Variants in RHEX observed in about 807,000 individuals in gnomAD.
The protein encoded by RHEX is regulator of hemoglobinization and erythroid cell expansion protein.
In RHEX, 18 loss-of-function variants were observed where a neutral mutation model predicts 20.1. The observed-to-expected ratio is 0.90, with a 90% confidence interval of 0.62 to 1.33. The LOEUF (loss-of-function observed/expected upper bound fraction) is 1.33. Ranked by LOEUF, RHEX falls within the 40% of genes most tolerant of loss-of-function variation. The pLI is 0.00. For missense variants in RHEX, 192 were observed against 214.3 expected (o/e 0.90, Z 0.65); for synonymous variants, 87 against 77.1 (o/e 1.13, Z -0.67).
chr1:206,081,072 C>T (rs568827558), intron 1 of RHEX, among the ~76,000 whole-genome samples: 12 of 152,140 alleles, frequency 7.9e-5, no homozygotes, highest in Non-Finnish European at 1.5e-4. Flanking sequence ...AACTCCTGGG[C>T]GCAAGCTATC....
chr1:206,075,885 G>A (rs1553285178), intron 1 of RHEX, among the ~76,000 whole-genome samples: 1 of 152,100 alleles, frequency 6.6e-6, no homozygotes. Context: ...ACAGGCATGA[G>A]CCACCGTGCA....
At chr1:206,068,804 T>C (rs1048999344) in intron 1 of RHEX, among the ~76,000 whole-genome samples, 3 of 152,246 alleles carry the variant, frequency 2.0e-5, no homozygotes, top group Non-Finnish European at 4.4e-5. Flanking sequence ...AATATCCAGA[T>C]AGTATTCTTC....
chr1:206,065,624 G>T (rs1310220161), intron 1 of RHEX, among the ~76,000 whole-genome samples: 3 of 152,242 alleles, frequency 2.0e-5, no homozygotes, highest in African/African-American at 7.2e-5. Context: ...CTAGGGAGAT[G>T]TCTAATGGGC....
chr1:206,074,830 T>A (rs1662601007), intron 1 of RHEX, among the ~76,000 whole-genome samples: 1 of 152,190 alleles, frequency 6.6e-6, no homozygotes, highest in Admixed American at 6.5e-5. Flanking sequence ...CACAGTTTAT[T>A]CAACATTCCC....
intron 1 of RHEX, among the ~76,000 whole-genome samples, chr1:206,076,867 TAAA>T (rs1455360549): frequency 6.6e-6 from 1 of 152,230 alleles, no homozygotes; most frequent in East Asian, 1.9e-4. Context: ...CTTTCTGCTC[TAAA>T]ATCTCATGGT....
Position 206,054,711 on chromosome 1 carries a change from G to A in RHEX, c.-97+1446G>A, listed in dbSNP as rs944040744. Among the ~76,000 whole-genome samples the A allele has an allele frequency of 2.0e-5, 3 of 152,182 alleles. No homozygotes were observed. In the East Asian group the frequency reaches 5.8e-4, roughly 29 times the overall value. ...ACCTTATGGTCAAACATGAAAAATTGGATAAATATGTCTACAAGGTTTTAT... is the reference window on the plus strand; with the variant it reads ...ACCTTATGGTCAAACATGAAAAATTAGATAAATATGTCTACAAGGTTTTAT... On this transcript the variant is annotated intron_variant, in intron 1 of 5. Coordinates refer to ENST00000331555, the MANE Select transcript of RHEX (RefSeq NM_001007544.4).
intron 1 of RHEX, among the ~76,000 whole-genome samples, chr1:206,092,181 C>G (rs1242009056): frequency 1.3e-5 from 2 of 152,092 alleles, no homozygotes; most frequent in African/African-American, 4.8e-5. Context: ...GCCTCAGCCT[C>G]CCAAAGTGCT....
chr1:206,083,889 G>A (rs562125133), intron 1 of RHEX, among the ~76,000 whole-genome samples: 2 of 152,120 alleles, frequency 1.3e-5, no homozygotes, highest in Non-Finnish European at 2.9e-5. Context: ...TTGGGGCTTC[G>A]GCCAGAAGGT....
intron 1 of RHEX, among the ~76,000 whole-genome samples, chr1:206,068,947 C>G (rs1422019612): frequency 6.6e-6 from 1 of 152,232 alleles, no homozygotes; most frequent in Non-Finnish European, 1.5e-5. Context: ...CATGACCAAA[C>G]TAACTCTGCT....
chr1:206,061,476 G>C (rs1461793966), intron 1 of RHEX: 1 of 152,324 alleles, frequency 6.6e-6, no homozygotes, highest in African/African-American at 2.4e-5. Flanking sequence ...CCCACACAGA[G>C]GGTGGTGGGA....
intron 1 of RHEX, among the ~76,000 whole-genome samples, chr1:206,055,079 T>C (rs1662160423): frequency 6.6e-6 from 1 of 152,282 alleles, no homozygotes; most frequent in African/African-American, 2.4e-5. Context: ...ACTAAGGTGG[T>C]CCTCCAGTTG....
At chr1:206,062,533 C>T (rs1558168836) in intron 1 of RHEX, among the ~76,000 whole-genome samples, 1 of 152,252 alleles carries the variant, frequency 6.6e-6, no homozygotes, top group Non-Finnish European at 1.5e-5. Context: ...TGGGTGTCAA[C>T]TTAGGAGTCA....
intron 1 of RHEX, among the ~76,000 whole-genome samples, chr1:206,089,350 C>G (rs979199939): frequency 6.6e-6 from 1 of 152,182 alleles, no homozygotes; most frequent in South Asian, 2.1e-4. Context: ...GCCTTATGTT[C>G]ACTTTTTACA....
chr1:206,101,035 C>A, intron 4 of RHEX, 101 bp from the exon 5 acceptor site: 1 of 945,080 alleles, frequency 1.1e-6, no homozygotes, highest in Non-Finnish European at 1.6e-6. Context: ...CTGCCTCTGT[C>A]TTTATCTGAT....
At chr1:206,073,507 CACAG>C (rs1256032981) in intron 1 of RHEX, among the ~76,000 whole-genome samples, 1 of 152,082 alleles carries the variant, frequency 6.6e-6, no homozygotes, top group Non-Finnish European at 1.5e-5. Context: ...GAAGTGGAGT[CACAG>C]ACAGCTTAGG....
At chr1:206,084,169 T>C (rs1476444583) in intron 1 of RHEX, among the ~76,000 whole-genome samples, 1 of 152,160 alleles carries the variant, frequency 6.6e-6, no homozygotes, top group East Asian at 1.9e-4. Flanking sequence ...GAAAACACTC[T>C]GAGCAGCAAA....
intron 1 of RHEX, among the ~76,000 whole-genome samples, chr1:206,066,331 C>T (rs1215151976): frequency 2.0e-5 from 3 of 152,172 alleles, no homozygotes; most frequent in Non-Finnish European, 4.4e-5. Context: ...AGGGTTACAA[C>T]CTGGGCCAGG....
chr1:206,097,606 G>A, intron 1 of RHEX, 127 bp from the exon 2 acceptor site: 1 of 613,368 alleles, frequency 1.6e-6, no homozygotes, highest in South Asian at 1.9e-5. Context: ...TAGGAAAGTG[G>A]GGACTGAAGC....
At chr1:206,064,036 GC>G (rs1662361104) in intron 1 of RHEX, among the ~76,000 whole-genome samples, 2 of 146,674 alleles carry the variant, frequency 1.4e-5, no homozygotes, top group East Asian at 2.1e-4. Flanking sequence ...GAGCGCCTTT[GC>G]CCCGCCGCCC....
Sources: allele counts gnomAD v4.1 joint callset (sites outside exome capture counted in the v4.1 genomes callset), GRCh38; gene constraint gnomAD v4.1.1; transcripts MANE v1.5; gene names NCBI Gene and HGNC (gene_info 2026-07-23, HGNC 2026-07-21).